FRMD4A: variants seen among roughly 807,000 people sequenced by gnomAD.
The protein encoded by FRMD4A is FERM domain-containing protein 4A.
Under a neutral mutation model 129.1 loss-of-function variants are expected in FRMD4A, and 29 were observed. The ratio of observed to expected loss-of-function variants is 0.22; its 90% confidence interval spans 0.17 to 0.31. FRMD4A has a LOEUF of 0.31. FRMD4A is among the 10% of genes least tolerant of loss of function. FRMD4A has a pLI of 1.00. For synonymous variants in FRMD4A, 634 were observed against 571.6 expected, an observed-to-expected ratio of 1.11 and a Z score of -1.56; for missense variants, 1,272 against 1,375.8, an observed-to-expected ratio of 0.92 and a Z score of 1.19.
At chr10:13,841,071 G>A (rs2093957371) in intron 3 of FRMD4A, among the ~76,000 whole-genome samples, 1 of 152,192 alleles carries the variant, frequency 6.6e-6, no homozygotes, top group Admixed American at 6.5e-5. Context: ...TCATGCCATT[G>A]CACTCCAGCC....
chr10:13,886,842 G>A (rs935951804), intron 2 of FRMD4A, among the ~76,000 whole-genome samples: 5 of 152,216 alleles, frequency 3.3e-5, no homozygotes, highest in Admixed American at 6.5e-5. Flanking sequence ...GGTCCGGGGA[G>A]TGCTCAACAT....
intron 19 of FRMD4A, among the ~76,000 whole-genome samples, chr10:13,660,933 C>G (rs535813594): frequency 2.0e-4 from 31 of 152,290 alleles, no homozygotes; most frequent in African/African-American, 7.0e-4. Flanking sequence ...GCATCTGATT[C>G]ACTGTGGGAG....
chr10:14,211,621 T>G (rs186232795), intron 2 of FRMD4A, among the ~76,000 whole-genome samples: 2 of 152,228 alleles, frequency 1.3e-5, no homozygotes, highest in East Asian at 3.8e-4. Context: ...GATTGTATTC[T>G]ACTTATCTTG....
intron 2 of FRMD4A, among the ~76,000 whole-genome samples, chr10:14,228,551 GTTTA>G (rs1230696266): frequency 6.6e-6 from 1 of 152,154 alleles, no homozygotes; most frequent in Non-Finnish European, 1.5e-5. Flanking sequence ...GCAGAATGAA[GTTTA>G]TTTGAGAAAA....
intron 4 of FRMD4A, among the ~76,000 whole-genome samples, chr10:13,810,195 G>C (rs1429696716): frequency 6.6e-6 from 1 of 152,052 alleles, no homozygotes; most frequent in Non-Finnish European, 1.5e-5. Context: ...ATCTATACAG[G>C]TATTCAGTAT....
chr10:13,807,402 G>A (rs557701812), intron 4 of FRMD4A, among the ~76,000 whole-genome samples: 6 of 152,180 alleles, frequency 3.9e-5, no homozygotes, highest in Admixed American at 2.6e-4. Context: ...TGAAAGTCAC[G>A]TCGTTTGCAA....
chr10:13,990,810 A>G (rs1473584597), intron 2 of FRMD4A, among the ~76,000 whole-genome samples: 1 of 152,166 alleles, frequency 6.6e-6, no homozygotes, highest in Non-Finnish European at 1.5e-5. Context: ...AGTCAACCTG[A>G]TCACCCTGGA....
At chr10:13,700,092 C>T (rs533331481) in intron 14 of FRMD4A, among the ~76,000 whole-genome samples, 34 of 152,048 alleles carry the variant, frequency 2.2e-4, no homozygotes, top group African/African-American at 8.2e-4. Flanking sequence ...TGTTTCATTT[C>T]GTCCTGTCCT....
intron 2 of FRMD4A, among the ~76,000 whole-genome samples, chr10:13,941,013 AAG>A (rs1253925193): frequency 6.6e-6 from 1 of 152,166 alleles, no homozygotes; most frequent in African/African-American, 2.4e-5. Context: ...AGGACGGGGA[AAG>A]AGAGCAAGGA....
At chr10:14,275,801 C>T (rs780171974) in intron 2 of FRMD4A, among the ~76,000 whole-genome samples, 16 of 152,180 alleles carry the variant, frequency 1.1e-4, no homozygotes, top group Non-Finnish European at 1.9e-4. Context: ...AACTTTGGGA[C>T]GCTAAGGAAG....
rs1407029720 is a variant in FRMD4A, at chr10:13,936,918, TTAAA to T, written c.46-78010_46-78007del. ...ACTCGTGTTAACTAAGCTTTTCCCC[TTAAA>T]TAAATAGTCTTGACATTTCTTTCTG... On this transcript the variant is annotated intron_variant, in intron 2 of 24. Transcript: ENST00000357447. Among the ~76,000 whole-genome samples the T allele has an allele frequency of 1.4e-4, 22 of 152,244 alleles. 1 individual carries two copies. Among genetic ancestry groups the T allele is most frequent in the African/African-American group, 3.9e-4 (16 of 41,462 alleles).
chr10:13,866,816 T>C (rs1248228929), intron 2 of FRMD4A, among the ~76,000 whole-genome samples: 1 of 152,090 alleles, frequency 6.6e-6, no homozygotes, highest in South Asian at 2.1e-4. Flanking sequence ...GCTAGGTATG[T>C]TGGCACCTGT....
At chr10:13,958,742 C>T (rs1046325390) in intron 2 of FRMD4A, among the ~76,000 whole-genome samples, 1 of 151,898 alleles carries the variant, frequency 6.6e-6, no homozygotes, top group South Asian at 2.1e-4. Context: ...TGCACCCCCA[C>T]GCCTGGCTAA....
At chr10:14,137,416 A>G (rs893685856) in intron 2 of FRMD4A, among the ~76,000 whole-genome samples, 3 of 152,196 alleles carry the variant, frequency 2.0e-5, no homozygotes, top group Admixed American at 1.3e-4. Flanking sequence ...ACTGAAAGAA[A>G]GCTTTGAGTT....
In FRMD4A at chr10:14,093,180, C is replaced by T. The variant is rs561135743; in HGVS notation, c.46-234268G>A. Reference sequence around the variant, plus strand: ...GTATTTGCAGGCTGCCTGCACGGCTCAGCAGTTTCTGGAAACTGACTTTTC... The same window carrying T: ...GTATTTGCAGGCTGCCTGCACGGCTTAGCAGTTTCTGGAAACTGACTTTTC... On this transcript the variant is annotated intron_variant, in intron 2 of 24. Transcript: ENST00000357447. 5.9e-5 allele frequency among the ~76,000 whole-genome samples: 9 copies of T among 152,284 alleles called. No homozygotes were observed. In the East Asian group the frequency reaches 1.7e-3, roughly 29 times the overall value.
intron 2 of FRMD4A, among the ~76,000 whole-genome samples, chr10:14,224,775 T>C (rs1037082987): frequency 2.0e-5 from 3 of 152,164 alleles, no homozygotes; most frequent in African/African-American, 7.2e-5. Context: ...GAGGAGAGAA[T>C]TGACTAATTT....
intron 2 of FRMD4A, among the ~76,000 whole-genome samples, chr10:14,019,821 G>A (rs1176460267): frequency 6.6e-6 from 1 of 152,170 alleles, no homozygotes; most frequent in East Asian, 1.9e-4. Flanking sequence ...CTTTCTGAAA[G>A]GACAGATTTG....
chr10:14,004,694 T>C (rs2095655486), intron 2 of FRMD4A, among the ~76,000 whole-genome samples: 1 of 152,226 alleles, frequency 6.6e-6, no homozygotes, highest in African/African-American at 2.4e-5. Context: ...TTGGTGATCC[T>C]TTACAAGCAC....
intron 4 of FRMD4A, 41 bp downstream of exon 4, chr10:13,810,773 G>T: frequency 1.8e-6 from 2 of 1,085,336 alleles, no homozygotes; most frequent in South Asian, 1.3e-5. Flanking sequence ...GTTCTGCACT[G>T]ACTCTCCCTT....
Sources: gnomAD v4.1 joint callset for allele counts (sites outside exome capture counted in the v4.1 genomes callset) on GRCh38, gnomAD v4.1.1 for gene constraint, MANE v1.5 for transcripts, NCBI Gene and HGNC (gene_info 2026-07-23, HGNC 2026-07-21) for gene names.